LRP1B: variants seen among roughly 807,000 people sequenced by gnomAD.
LRP1B encodes the protein LDL receptor related protein 1B.
Under a neutral mutation model 556.6 loss-of-function variants are expected in LRP1B, and 217 were observed. The observed-to-expected ratio is 0.39, with a 90% CI of 0.35 to 0.44. The LOEUF (loss-of-function observed/expected upper bound fraction) is 0.44. Among genes scored for constraint, LRP1B ranks in the 20% least tolerant of loss-of-function variants. The pLI, the probability that LRP1B is intolerant of heterozygous loss-of-function variation, is 1.00. For missense variants in LRP1B, 5,053 were observed against 5,620.8 expected, an observed-to-expected ratio of 0.90 and a Z score of 3.23; for synonymous variants, 2,047 against 1,865.8, an observed-to-expected ratio of 1.10 and a Z score of -2.50.
intron 3 of LRP1B, among the ~76,000 whole-genome samples, chr2:141,345,630 C>T (rs542194227): frequency 7.3e-5 from 11 of 150,792 alleles, no homozygotes; most frequent in East Asian, 3.9e-4. Context: ...GCTAGGACTA[C>T]GAGTGTGTGC....
At chr2:140,950,821 A>C (rs1695692059) in intron 19 of LRP1B, among the ~76,000 whole-genome samples, 1 of 150,664 alleles carries the variant, frequency 6.6e-6, no homozygotes, top group African/African-American at 2.5e-5. Flanking sequence ...TTCCTATATA[A>C]AGTTGTTTTT....
intron 25 of LRP1B, among the ~76,000 whole-genome samples, chr2:140,871,767 T>C (rs1253399276): frequency 6.6e-6 from 1 of 152,116 alleles, no homozygotes; most frequent in Admixed American, 6.6e-5. Flanking sequence ...ATGCTGCAGT[T>C]TGATAGCTAA....
chr2:141,889,478 C>T (rs1699216585), intron 1 of LRP1B, among the ~76,000 whole-genome samples: 1 of 152,184 alleles, frequency 6.6e-6, no homozygotes, highest in African/African-American at 2.4e-5. Context: ...GGAGATAGAA[C>T]AAGGGTACAG....
chr2:141,185,673 G>GAA (rs1365290510), intron 7 of LRP1B, among the ~76,000 whole-genome samples: 2 of 23,734 alleles, frequency 8.4e-5, no homozygotes, highest in Admixed American at 3.3e-4. Flanking sequence ...ATGGAGAACT[G>GAA]AAAAACAAAC....
intron 2 of LRP1B, among the ~76,000 whole-genome samples, chr2:141,510,195 GACACACAC>G (rs59647485): frequency 9.5e-5 from 9 of 95,098 alleles, no homozygotes; most frequent in South Asian, 3.9e-4. Flanking sequence ...CGGCAATACA[GACACACAC>G]ACACACACAC....
intron 7 of LRP1B, among the ~76,000 whole-genome samples, chr2:141,068,557 CAAAAAAA>C (rs564540035): frequency 8.4e-5 from 6 of 71,610 alleles, no homozygotes; most frequent in South Asian, 4.1e-4. Flanking sequence ...ATGTGGTTGG[CAAAAAAA>C]AAAAAAAAAA....
intron 7 of LRP1B, among the ~76,000 whole-genome samples, chr2:141,092,078 A>G (rs1296574805): frequency 6.6e-6 from 1 of 152,214 alleles, no homozygotes; most frequent in Non-Finnish European, 1.5e-5. Context: ...TGTAACCAGA[A>G]ATATGCTATG....
At position 140,233,111 on chromosome 2, in the gene LRP1B, T is replaced by A. The variant is rs1680539276; in HGVS notation, c.*75A>T. 3 of 950,378 alleles carry A rather than the reference T, an allele frequency of 3.2e-6. No homozygotes were observed. Among genetic ancestry groups the A allele is most frequent in the Non-Finnish European group, 4.5e-6 (3 of 668,984 alleles). The allele number at this position is 950,378 out of a possible 1,614,324, so 58.9% of individuals were successfully genotyped here. ...GAGGTAATGCTGATGCCAAAACAAGTATAATACTGTTGGAACATACAAAAG... is the reference window on the plus strand; with the variant it reads ...GAGGTAATGCTGATGCCAAAACAAGAATAATACTGTTGGAACATACAAAAG... On this transcript the variant is annotated 3_prime_UTR_variant, in exon 91 of 91. Transcript: ENST00000389484.
Position 141,209,211 on chromosome 2 carries a change from G to A in LRP1B, c.850+19972C>T, listed in dbSNP as rs147261221. Among the ~76,000 whole-genome samples the A allele has an allele frequency of 5.2e-3, 792 of 152,246 alleles. 5 individuals carry two copies. The highest frequency in any genetic ancestry group is 0.018 in the African/African-American group (762 of 41,546). On this transcript the variant is annotated intron_variant, in intron 6 of 90. Coordinates refer to ENST00000389484, the MANE Select transcript of LRP1B (RefSeq NM_018557.3). ...ATTGTAGTTCCCATAATCCCCACCC[G>A]TCGTGGGAGGGACCTGGTGGGAGGT...
At chr2:141,567,761 C>T (rs908481521) in intron 2 of LRP1B, among the ~76,000 whole-genome samples, 1 of 96,624 alleles carries the variant, frequency 1.0e-5, no homozygotes, top group Non-Finnish European at 2.6e-5. Context: ...TAAATCTGGA[C>T]TACTAAAGAT....
chr2:140,996,339 G>C (rs1697244654), intron 15 of LRP1B, among the ~76,000 whole-genome samples: 1 of 151,926 alleles, frequency 6.6e-6, no homozygotes. Flanking sequence ...TAATAGGCTA[G>C]CTAGCAATAT....
At chr2:141,978,364 T>C (rs1701942903) in intron 1 of LRP1B, among the ~76,000 whole-genome samples, 1 of 152,086 alleles carries the variant, frequency 6.6e-6, no homozygotes, top group Non-Finnish European at 1.5e-5. Flanking sequence ...TAAAACAGCA[T>C]TTTGGGGTAG....
At chr2:140,928,024 G>A (rs1294559926) in intron 20 of LRP1B, among the ~76,000 whole-genome samples, 1 of 151,944 alleles carries the variant, frequency 6.6e-6, no homozygotes, top group Non-Finnish European at 1.5e-5. Context: ...GGGATTACAG[G>A]CAAGAGTCAC....
At chr2:140,710,060 G>A (rs754642722) in intron 37 of LRP1B, among the ~76,000 whole-genome samples, 16 of 151,960 alleles carry the variant, frequency 1.1e-4, no homozygotes, top group South Asian at 2.1e-4. Flanking sequence ...CTTTTAAGAC[G>A]AAGTAAATAA....
intron 3 of LRP1B, among the ~76,000 whole-genome samples, chr2:141,265,001 A>T (rs1684834075): frequency 6.6e-6 from 1 of 152,128 alleles, no homozygotes; most frequent in Non-Finnish European, 1.5e-5. Flanking sequence ...AGGGCACTGG[A>T]TAACTTCCCT....
chr2:141,979,048 G>A (rs1701969390), intron 1 of LRP1B, among the ~76,000 whole-genome samples: 1 of 151,676 alleles, frequency 6.6e-6, no homozygotes. Flanking sequence ...AGATGGAAAA[G>A]GCCTAAGAGA....
chr2:141,580,599 C>T (rs1237167132), intron 2 of LRP1B, among the ~76,000 whole-genome samples: 1 of 152,160 alleles, frequency 6.6e-6, no homozygotes. Flanking sequence ...CCAACATATC[C>T]TTAGATCCTT....
intron 7 of LRP1B, among the ~76,000 whole-genome samples, chr2:141,143,418 G>T (rs1375026304): frequency 2.6e-5 from 4 of 151,964 alleles, no homozygotes; most frequent in African/African-American, 7.3e-5. Flanking sequence ...ATTTCTCTTT[G>T]CCTAGTACAT....
chr2:141,319,963 C>A (rs111238801), intron 3 of LRP1B, among the ~76,000 whole-genome samples: 1 of 151,996 alleles, frequency 6.6e-6, no homozygotes, highest in Non-Finnish European at 1.5e-5. Flanking sequence ...GCTTCTCAAA[C>A]CTTAATGCTC....
Sources: gnomAD v4.1 joint callset for allele counts (sites outside exome capture counted in the v4.1 genomes callset) on GRCh38, gnomAD v4.1.1 for gene constraint, MANE v1.5 for transcripts, NCBI Gene and HGNC (gene_info 2026-07-23, HGNC 2026-07-21) for gene names.